The following TIPRL variants were observed in gnomAD, a reference collection of about 807,000 sequenced individuals.
TIPRL encodes the protein TOR signaling pathway regulator, also known as TIP41-like protein.
In TIPRL, 10 loss-of-function variants were observed where a neutral mutation model predicts 32.3. The ratio of observed to expected loss-of-function variants is 0.31; its 90% CI spans 0.19 to 0.52. The LOEUF (loss-of-function observed/expected upper bound fraction) is 0.52, where lower values mean the gene tolerates loss of function less well. Among genes scored for constraint, TIPRL ranks in the 20% least tolerant of loss-of-function variants. TIPRL has a pLI of 0.96. For synonymous variants in TIPRL, 100 were observed against 114.0 expected (o/e 0.88, Z 0.78); for missense variants, 250 against 328.1 (o/e 0.76, Z 1.84).
intron 1 of TIPRL, among the ~76,000 whole-genome samples, chr1:168,180,820 C>CTTTTTT (rs71118909): frequency 6.2e-4 from 77 of 124,158 alleles, no homozygotes; most frequent in African/African-American, 1.1e-3. Context: ...TTTTTTATAA[C>CTTTTTT]TTTTTTTTTT....
chr1:168,185,627 G>A (rs141754564), intron 3 of TIPRL, among the ~76,000 whole-genome samples: 1,858 of 151,506 alleles, frequency 0.012, 36 homozygotes, highest in African/African-American at 0.041. Context: ...AAAATTAGCT[G>A]GGTGTGGTGG....
At chr1:168,183,322 A>G (rs1182595632) in intron 1 of TIPRL, among the ~76,000 whole-genome samples, 2 of 151,046 alleles carry the variant, frequency 1.3e-5, no homozygotes, top group Admixed American at 1.3e-4. Flanking sequence ...TAGTACAGGT[A>G]TTCTAAAACT....
At chr1:168,186,751 T>C (rs1700032456) in intron 3 of TIPRL, among the ~76,000 whole-genome samples, 1 of 152,092 alleles carries the variant, frequency 6.6e-6, no homozygotes, top group Non-Finnish European at 1.5e-5. Context: ...GGAGAATTGC[T>C]TGAACCCAGG....
rs1236989574 is a variant in TIPRL, at chr1:168,183,968, C to T, written c.171C>T (p.Ile57=). The change falls in exon 2 of 7, where the codon ATC becomes ATT. Residue 57 remains isoleucine, a synonymous_variant. Transcript: ENST00000367833. ...TGTTTGGAGACAACGTTTTAAGAATCCAGCATGGGTCTGGCTTTGGAATTG... is the reference window on the plus strand; with the variant it reads ...TGTTTGGAGACAACGTTTTAAGAATTCAGCATGGGTCTGGCTTTGGAATTG... The part of the protein sequence containing the change: ...EMMFGDNVLR[I]QHGSGFGIEF... 1 of 1,614,068 alleles carries T rather than the reference C, an allele frequency of 6.2e-7. No individual in the cohort carries two copies. Among genetic ancestry groups the T allele is most frequent in the African/African-American group, 1.3e-5 (1 of 75,046 alleles).
intron 3 of TIPRL, among the ~76,000 whole-genome samples, chr1:168,188,005 A>G (rs1700049073): frequency 6.6e-6 from 1 of 152,186 alleles, no homozygotes; most frequent in Non-Finnish European, 1.5e-5. Flanking sequence ...AGATCTCAAT[A>G]AATGGCAGCT....
intron 3 of TIPRL, 79 bp downstream of exon 3, chr1:168,184,957 A>C: frequency 1.2e-6 from 1 of 847,854 alleles, no homozygotes. Flanking sequence ...GTAACGGGTT[A>C]TTTTTTGCAA....
At chr1:168,197,078 C>T (rs1558166082) in intron 5 of TIPRL, among the ~76,000 whole-genome samples, 2 of 152,106 alleles carry the variant, frequency 1.3e-5, no homozygotes, top group Admixed American at 6.6e-5. Context: ...CTTTGGGAGG[C>T]CGAGGTGGGT....
intron 3 of TIPRL, among the ~76,000 whole-genome samples, chr1:168,190,707 G>C (rs531300083): frequency 1.3e-5 from 2 of 152,340 alleles, no homozygotes; most frequent in African/African-American, 4.8e-5. Context: ...GGAGACACTT[G>C]AGTTTAATGA....
At chr1:168,192,462 G>C (rs1431458954) in intron 4 of TIPRL, 1 of 978,310 alleles carries the variant, frequency 1.0e-6, no homozygotes, top group East Asian at 9.2e-5. Flanking sequence ...ATACTTTCCA[G>C]AAATAACTCA....
In TIPRL at chr1:168,183,889, TG is replaced by T; in HGVS notation, c.105-11del. The T allele has an allele frequency of 6.3e-7, 1 of 1,593,296 alleles. No homozygotes were observed. Among genetic ancestry groups the T allele is most frequent in the Non-Finnish European group, 8.6e-7 (1 of 1,164,510 alleles). On this transcript the variant is annotated splice_polypyrimidine_tract_variant and intron_variant, in intron 1 of 6. Coordinates refer to ENST00000367833, the MANE Select transcript of TIPRL (RefSeq NM_152902.5). ...ATATAAAATTATCTCACCCGACTTT[TG>T]GTTACGTATAGATTAGCCGATGAAT... is the stretch of plus-strand genomic sequence containing the variant.
At chr1:168,187,723 TC>T (rs1700045039) in intron 3 of TIPRL, among the ~76,000 whole-genome samples, 1 of 152,150 alleles carries the variant, frequency 6.6e-6, no homozygotes, top group South Asian at 2.1e-4. Context: ...ATGCCTGTAG[TC>T]CCAGCACTTT....
rs1007929145 is a variant in TIPRL at position 168,187,858 on chromosome 1, G to A, written c.384+2980G>A. Among the ~76,000 whole-genome samples the A allele has an allele frequency of 5.3e-5, 8 of 152,200 alleles. No homozygotes were observed. In the East Asian group the frequency reaches 1.2e-3, roughly 22 times the overall value. On this transcript the variant is annotated intron_variant, in intron 3 of 6. Transcript: ENST00000367833. The stretch of plus-strand genomic sequence containing the variant: ...CTGGTGGCACGTGTCTATAGTCCCA[G>A]CTACTCAGGAGGCTGAGGTGGGAGA...
In TIPRL at chr1:168,198,972, T is replaced by C. The variant is rs1229636941; in HGVS notation, c.666T>C (p.Ser222=). 1 of 1,610,920 alleles carries C rather than the reference T, an allele frequency of 6.2e-7. No individual in the cohort carries two copies. Among genetic ancestry groups the C allele is most frequent in the Non-Finnish European group, 8.5e-7 (1 of 1,177,822 alleles). The change falls in exon 6 of 7, where the codon TCT becomes TCC. Residue 222 remains serine (S), a synonymous_variant. Transcript: ENST00000367833. ...REYTSRESKI[S]SLMHVPPSLF... is the part of the protein sequence containing the mutation. ...ATACGTCACGAGAAAGCAAAATTTC[T>C]AGTTTGATGGCAAGTACTTAAATTT...
At chr1:168,188,592 A>G (rs895625904) in intron 3 of TIPRL, among the ~76,000 whole-genome samples, 1 of 152,150 alleles carries the variant, frequency 6.6e-6, no homozygotes, top group Non-Finnish European at 1.5e-5. Context: ...CTTGCAGCCC[A>G]TAAAAATAGG....
At chr1:168,192,878 C>T (rs1347801592) in intron 4 of TIPRL, among the ~76,000 whole-genome samples, 1 of 147,028 alleles carries the variant, frequency 6.8e-6, no homozygotes, top group African/African-American at 2.6e-5. Flanking sequence ...AAGCGAGACT[C>T]CGTCTCAAAA....
At chr1:168,184,727 T>C in intron 2 of TIPRL, 52 bp from the exon 3 acceptor site, 4 of 1,087,696 alleles carry the variant, frequency 3.7e-6, no homozygotes, top group Non-Finnish European at 5.5e-6. Context: ...TAAATACAGA[T>C]AATCTCTATT....
At chr1:168,186,725 T>G (rs1304524840) in intron 3 of TIPRL, among the ~76,000 whole-genome samples, 1 of 152,062 alleles carries the variant, frequency 6.6e-6, no homozygotes, top group Non-Finnish European at 1.5e-5. Flanking sequence ...AGCTGGAGAC[T>G]GGGGAGGCTG....
At chr1:168,196,090 G>A (rs1241360437) in intron 4 of TIPRL, among the ~76,000 whole-genome samples, 1 of 152,186 alleles carries the variant, frequency 6.6e-6, no homozygotes, top group African/African-American at 2.4e-5. Flanking sequence ...ATGTAATAGT[G>A]CCTACAGGTT....
In TIPRL at chr1:168,191,398, A is replaced by G; in HGVS notation, c.414A>G (p.Thr138=). The part of the protein sequence containing the change: ...KVVPTTDHID[T]EKLKAREQIK... ...TACCTACAACAGATCATATAGATAC[A>G]GAAAAATTGAAAGCCAGAGAACAGA... The change falls in exon 4 of 7, where the codon ACA becomes ACG. Residue 138 remains threonine, a synonymous_variant. Transcript: ENST00000367833. The G allele has an allele frequency of 6.5e-7, 1 of 1,534,982 alleles. No homozygotes were observed. The highest frequency in any genetic ancestry group is 8.7e-7 in the Non-Finnish European group (1 of 1,153,252).
Sources: gnomAD v4.1 joint callset for allele counts (sites outside exome capture counted in the v4.1 genomes callset) on GRCh38, gnomAD v4.1.1 for gene constraint, MANE v1.5 for transcripts, NCBI Gene and HGNC (gene_info 2026-07-23, HGNC 2026-07-21) for gene names.